Variants in ABCC11 observed in about 807,000 individuals in gnomAD.
ABCC11 encodes ATP-binding cassette sub-family C member 11.
Under a neutral mutation model 149.3 loss-of-function variants are expected in ABCC11, and 135 were observed. The ratio of observed to expected loss-of-function variants is 0.90; its 90% CI spans 0.79 to 1.04. The LOEUF is 1.04. Ranked by LOEUF, ABCC11 falls within the 50% of genes least tolerant of loss-of-function variation. The probability of loss-of-function intolerance (pLI) is 0.00; values close to 1 mark genes in which losing one functional copy is unlikely to be tolerated. For synonymous variants in ABCC11, 665 were observed against 671.4 expected (o/e 0.99, Z 0.15); for missense variants, 1,680 against 1,722.1 (o/e 0.98, Z 0.43).
chr16:48,233,234 G>T (rs1970520893), intron 1 of ABCC11, among the ~76,000 whole-genome samples: 1 of 152,158 alleles, frequency 6.6e-6, no homozygotes, highest in African/African-American at 2.4e-5. Flanking sequence ...TCAAATATTG[G>T]ATTGTACTTC....
chr16:48,177,208 C>A, intron 24 of ABCC11, 95 bp from the exon 25 acceptor site: 1 of 1,272,874 alleles, frequency 7.9e-7, no homozygotes. Flanking sequence ...GGGGGTGTGA[C>A]CCACCCCAGC....
intron 13 of ABCC11, 35 bp downstream of exon 13, chr16:48,205,378 C>A (rs1567518773): frequency 6.2e-7 from 1 of 1,613,632 alleles, no homozygotes; most frequent in Non-Finnish European, 8.5e-7. Context: ...CAGCCACATG[C>A]CCTGTACTCT....
intron 18 of ABCC11, among the ~76,000 whole-genome samples, chr16:48,195,493 C>T (rs1024116790): frequency 1.3e-5 from 2 of 152,170 alleles, no homozygotes; most frequent in African/African-American, 4.8e-5. Context: ...CAAGGGTCAG[C>T]TTCCAATGTA....
At chr16:48,194,444 G>C (rs1967205693) in intron 18 of ABCC11, among the ~76,000 whole-genome samples, 1 of 152,178 alleles carries the variant, frequency 6.6e-6, no homozygotes, top group African/African-American at 2.4e-5. Flanking sequence ...TACATGCCAG[G>C]AATAGTACCA....
intron 1 of ABCC11, 194 bp from the exon 2 acceptor site, chr16:48,232,133 C>G: frequency 7.7e-7 from 1 of 1,304,622 alleles, no homozygotes; most frequent in Non-Finnish European, 9.8e-7. Flanking sequence ...TCTCAGGCCT[C>G]AGGCCCAAAT....
At chr16:48,205,646 GCT>G (rs1202253375) in intron 12 of ABCC11, 109 bp from the exon 13 acceptor site, 1 of 1,408,242 alleles carries the variant, frequency 7.1e-7, no homozygotes, top group Non-Finnish European at 9.5e-7. Flanking sequence ...GACCTTGGGG[GCT>G]CTCCTAGGTA....
Position 48,196,299 on chromosome 16 carries a change from C to T in ABCC11, c.2337G>A (p.Gln779=). ...GNAVPEHQLT[Q]EEEMEEGSLS... is the part of the protein sequence containing the mutation. ...AGGAGCCTTCTTCCATCTCCTCCTC[C>T]TGTGTGAGCTGATGCTCCGGCACTG... is the stretch of plus-strand genomic sequence containing the variant. The change falls in exon 18 of 30, where the codon CAG becomes CAA. Residue 779 remains glutamine, a synonymous_variant. Transcript: ENST00000356608. 2 of 1,614,106 alleles carry T rather than the reference C, an allele frequency of 1.2e-6. No homozygotes were observed. The highest frequency in any genetic ancestry group is 4.5e-5 in the East Asian group (2 of 44,870).
At position 48,196,302 on chromosome 16, in the gene ABCC11, T is replaced by A. The variant is rs1967405551; in HGVS notation, c.2334A>T (p.Thr778=). Residue 778 remains threonine, a synonymous_variant, in exon 18 of 30, where the codon ACA becomes ACT. Coordinates refer to ENST00000356608, the MANE Select transcript of ABCC11 (RefSeq NM_001370497.1). The stretch of plus-strand genomic sequence containing the variant: ...AGCCTTCTTCCATCTCCTCCTCCTG[T>A]GTGAGCTGATGCTCCGGCACTGGGT... The part of the protein sequence containing the change: ...NGNAVPEHQL[T]QEEEMEEGSL... 1 of 1,613,950 alleles carries A rather than the reference T, an allele frequency of 6.2e-7. No individual in the cohort carries two copies.
chr16:48,174,889 T>C (rs886569617), intron 26 of ABCC11, among the ~76,000 whole-genome samples: 3 of 152,174 alleles, frequency 2.0e-5, no homozygotes, highest in African/African-American at 4.8e-5. Flanking sequence ...ACAGTGGCTA[T>C]TCACAGGCAC....
intron 1 of ABCC11, among the ~76,000 whole-genome samples, chr16:48,246,637 C>T (rs991559256): frequency 1.3e-5 from 2 of 152,134 alleles, no homozygotes; most frequent in African/African-American, 2.4e-5. Context: ...GTGGCGTGAT[C>T]GTAGCCCACC....
intron 20 of ABCC11, among the ~76,000 whole-genome samples, chr16:48,191,592 G>A (rs547700521): frequency 6.6e-6 from 1 of 152,286 alleles, no homozygotes; most frequent in African/African-American, 2.4e-5. Context: ...AATAAAGTTG[G>A]CTTGGTTTCA....
chr16:48,169,586 G>A (rs548015022), intron 28 of ABCC11, among the ~76,000 whole-genome samples: 35 of 152,092 alleles, frequency 2.3e-4, no homozygotes, highest in African/African-American at 2.9e-4. Context: ...CTATGCAGCC[G>A]TAAAAAAGGA....
At position 48,167,215 on chromosome 16, in the gene ABCC11, C is replaced by G; in HGVS notation, c.*59G>C. 1 of 772,732 alleles carries G rather than the reference C, an allele frequency of 1.3e-6. No homozygotes were observed. Among genetic ancestry groups the G allele is most frequent in the Non-Finnish European group, 2.4e-6 (1 of 414,324 alleles). 47.9% of individuals were successfully genotyped at this position (772,732 alleles called of 1,614,324 possible). ...AGGTCGCAGACTGTGGGCCTCGAAG[C>G]TGCACCTGTGTGAACCTCTGAGCTC... On this transcript the variant is annotated 3_prime_UTR_variant, in exon 30 of 30. Coordinates refer to ENST00000356608, the MANE Select transcript of ABCC11 (RefSeq NM_001370497.1).
At chr16:48,212,783 T>C (rs2150866345) in intron 10 of ABCC11, among the ~76,000 whole-genome samples, 1 of 152,332 alleles carries the variant, frequency 6.6e-6, no homozygotes, top group Admixed American at 6.5e-5. Context: ...GGACTGCATG[T>C]ATGTAAAAGT....
intron 20 of ABCC11, among the ~76,000 whole-genome samples, chr16:48,190,092 G>C (rs1966859875): frequency 6.6e-6 from 1 of 152,088 alleles, no homozygotes; most frequent in Non-Finnish European, 1.5e-5. Flanking sequence ...TTCTTCCCCT[G>C]CCCTCAAGCT....
intron 14 of ABCC11, among the ~76,000 whole-genome samples, chr16:48,202,587 G>T (rs1223170689): frequency 6.6e-6 from 1 of 151,360 alleles, no homozygotes; most frequent in African/African-American, 2.4e-5. Context: ...CTCCAGCCTG[G>T]GTGACAGACA....
intron 1 of ABCC11, chr16:48,244,145 A>G: frequency 2.2e-6 from 1 of 444,754 alleles, no homozygotes; most frequent in Non-Finnish European, 3.9e-6. Context: ...TCTGTAAGTG[A>G]GGCGAAGGTC....
intron 14 of ABCC11, among the ~76,000 whole-genome samples, chr16:48,201,768 C>T (rs376904565): frequency 1.3e-4 from 20 of 152,192 alleles, no homozygotes; most frequent in African/African-American, 3.9e-4. Flanking sequence ...CCATCTCACA[C>T]GGCACCTGCT....
intron 14 of ABCC11, among the ~76,000 whole-genome samples, chr16:48,200,788 C>G (rs1248041665): frequency 6.6e-6 from 1 of 151,994 alleles, no homozygotes; most frequent in African/African-American, 2.4e-5. Context: ...ATACAAACAT[C>G]AAGTTAGATA....
Sources: gnomAD v4.1 joint callset for allele counts (sites outside exome capture counted in the v4.1 genomes callset) on GRCh38, gnomAD v4.1.1 for gene constraint, MANE v1.5 for transcripts, NCBI Gene and HGNC (gene_info 2026-07-23, HGNC 2026-07-21) for gene names.